The following NFATC3 variants were observed in gnomAD, a reference collection of about 807,000 sequenced individuals.
NFATC3 encodes the protein nuclear factor of activated T cells 3.
A neutral mutation model predicts 98.6 loss-of-function variants in NFATC3; 46 were observed. The ratio of observed to expected loss-of-function variants is 0.47; its 90% CI spans 0.37 to 0.60. The LOEUF is 0.60. Among genes scored for constraint, NFATC3 ranks in the 20% least tolerant of loss-of-function variants. NFATC3 has a pLI of 0.00. For missense variants in NFATC3, 1,256 were observed against 1,295.5 expected (o/e 0.97, Z 0.47); for synonymous variants, 512 against 472.2 (o/e 1.08, Z -1.09).
At chr16:68,184,377 A>T (rs919328992) in intron 8 of NFATC3, among the ~76,000 whole-genome samples, 1 of 152,198 alleles carries the variant, frequency 6.6e-6, no homozygotes. Context: ...AGATTTAGTA[A>T]TGGAGAGTTT....
chr16:68,172,914 C>T (rs1387612163), intron 5 of NFATC3, among the ~76,000 whole-genome samples: 1 of 152,038 alleles, frequency 6.6e-6, no homozygotes, highest in African/African-American at 2.4e-5. Flanking sequence ...AACTTGGAAC[C>T]AGTCATTATC....
intron 3 of NFATC3, among the ~76,000 whole-genome samples, chr16:68,150,412 T>TAAA (rs60606928): frequency 2.0e-4 from 16 of 81,056 alleles, no homozygotes; most frequent in South Asian, 4.3e-4. Context: ...CTTCTATATC[T>TAAA]AAAAAAAAAA....
intron 6 of NFATC3, among the ~76,000 whole-genome samples, chr16:68,179,191 T>C (rs892512175): frequency 6.6e-6 from 1 of 152,234 alleles, no homozygotes; most frequent in African/African-American, 2.4e-5. Context: ...CTTCCTTCTC[T>C]CACTACCCCT....
At chr16:68,105,630 A>G (rs2035614011) in intron 1 of NFATC3, among the ~76,000 whole-genome samples, 1 of 152,158 alleles carries the variant, frequency 6.6e-6, no homozygotes, top group African/African-American at 2.4e-5. Context: ...TGTGTTAGGA[A>G]GCATTCCCTC....
chr16:68,151,564 A>G (rs905237275), intron 3 of NFATC3, among the ~76,000 whole-genome samples: 1 of 152,178 alleles, frequency 6.6e-6, no homozygotes, highest in South Asian at 2.1e-4. Context: ...GGATATTCTC[A>G]AATTCTGTGA....
chr16:68,191,823 T>C (rs757393633), intron 9 of NFATC3, 48 bp downstream of exon 9: 1 of 1,596,092 alleles, frequency 6.3e-7, no homozygotes, highest in Admixed American at 1.7e-5. Context: ...ATTCAGGGAC[T>C]TTATTCTCCC....
intron 3 of NFATC3, among the ~76,000 whole-genome samples, chr16:68,153,949 C>T (rs2038477698): frequency 6.6e-6 from 1 of 152,094 alleles, no homozygotes; most frequent in South Asian, 2.1e-4. Context: ...AGGTCTCACA[C>T]TCTGTCACCC....
rs1470469671 is a variant in NFATC3, at chr16:68,191,126, T to G, written c.2457T>G (p.Ile819Met). ...VVYNGPTCLP[I>M]NAASSQEFDS... ...ACAATGGACCAACTTGTCTTCCTAT[T>G]AATGCTGCCTCTAGTCAAGAATTTG... Residue 819 changes from isoleucine (I) to methionine (M), a missense_variant, in exon 9 of 10, where the codon ATT becomes ATG. Ile to Met is a conservative substitution (Grantham distance 10). Coordinates refer to ENST00000346183, the MANE Select transcript of NFATC3 (RefSeq NM_173165.3). 1 of 1,614,122 alleles carries G rather than the reference T, an allele frequency of 6.2e-7. No homozygotes were observed. Among genetic ancestry groups the G allele is most frequent in the African/African-American group, 1.3e-5 (1 of 74,940 alleles).
intron 9 of NFATC3, among the ~76,000 whole-genome samples, chr16:68,212,180 C>T (rs2041435806): frequency 6.6e-6 from 1 of 152,200 alleles, no homozygotes; most frequent in Non-Finnish European, 1.5e-5. Flanking sequence ...ACACTGTAAT[C>T]TTTAAATCAC....
chr16:68,137,976 C>T (rs1486204618), intron 3 of NFATC3, among the ~76,000 whole-genome samples: 1 of 151,806 alleles, frequency 6.6e-6, no homozygotes, highest in Non-Finnish European at 1.5e-5. Flanking sequence ...TCCAAATAAA[C>T]TCTTTTAGAA....
At chr16:68,131,974 T>C (rs968169133) in intron 3 of NFATC3, among the ~76,000 whole-genome samples, 2 of 152,178 alleles carry the variant, frequency 1.3e-5, no homozygotes, top group African/African-American at 4.8e-5. Context: ...TATACTGGTA[T>C]AGTGTTCCAT....
At chr16:68,202,205 A>C (rs1239812803) in intron 9 of NFATC3, among the ~76,000 whole-genome samples, 3 of 152,170 alleles carry the variant, frequency 2.0e-5, no homozygotes, top group East Asian at 3.9e-4. Flanking sequence ...CTGAAAACTG[A>C]CACTGCCACT....
At chr16:68,138,500 T>C (rs1259039887) in intron 3 of NFATC3, 1 of 1,264,976 alleles carries the variant, frequency 7.9e-7, no homozygotes, top group South Asian at 1.3e-5. Context: ...TTCTTTCAAA[T>C]TGTTGCTCAG....
chr16:68,127,117 G>T (rs1312450163), intron 3 of NFATC3, among the ~76,000 whole-genome samples: 2 of 152,064 alleles, frequency 1.3e-5, no homozygotes, highest in Non-Finnish European at 2.9e-5. Context: ...GCAGGCTGAG[G>T]CAGGAGAATT....
intron 6 of NFATC3, among the ~76,000 whole-genome samples, chr16:68,176,184 G>C (rs1350671542): frequency 6.6e-6 from 1 of 151,990 alleles, no homozygotes; most frequent in African/African-American, 2.4e-5. Context: ...CACCATATTG[G>C]CCAGGCTGGT....
At chr16:68,185,320 C>T (rs1419088580) in intron 8 of NFATC3, among the ~76,000 whole-genome samples, 1 of 151,864 alleles carries the variant, frequency 6.6e-6, no homozygotes, top group Non-Finnish European at 1.5e-5. Flanking sequence ...TTTTTCATAC[C>T]CCTTGGTAAC....
intron 1 of NFATC3, among the ~76,000 whole-genome samples, chr16:68,101,621 C>T (rs549612127): frequency 1.3e-5 from 2 of 152,034 alleles, no homozygotes; most frequent in South Asian, 4.1e-4. Flanking sequence ...GTAGCTGGGA[C>T]TACAGGCGCC....
intron 9 of NFATC3, among the ~76,000 whole-genome samples, chr16:68,196,657 G>A (rs1156874400): frequency 6.6e-6 from 1 of 151,834 alleles, no homozygotes; most frequent in African/African-American, 2.4e-5. Flanking sequence ...TCGCACCACT[G>A]CGCTCCAGCC....
At chr16:68,099,791 A>G (rs2035243261) in intron 1 of NFATC3, among the ~76,000 whole-genome samples, 1 of 151,944 alleles carries the variant, frequency 6.6e-6, no homozygotes, top group South Asian at 2.1e-4. Context: ...ATTAAGTCAT[A>G]CACTATGGGA....
Sources: allele counts gnomAD v4.1 joint callset (sites outside exome capture counted in the v4.1 genomes callset), GRCh38; gene constraint gnomAD v4.1.1; transcripts MANE v1.5; gene names NCBI Gene and HGNC (gene_info 2026-07-23, HGNC 2026-07-21).